Variants in LIN7A observed in about 807,000 individuals in gnomAD.
The protein encoded by LIN7A is protein lin-7 homolog A.
LIN7A carries 25 observed loss-of-function variants against 29.8 expected under a neutral mutation model. The observed-to-expected ratio is 0.84, with a 90% CI of 0.61 to 1.17. LIN7A has a LOEUF of 1.17. LIN7A is among the 50% of genes most tolerant of loss of function. LIN7A has a pLI of 0.00. For missense variants in LIN7A, 239 were observed against 287.0 expected (o/e 0.83, Z 1.21); for synonymous variants, 118 against 107.5 (o/e 1.10, Z -0.60).
intron 2 of LIN7A, among the ~76,000 whole-genome samples, chr12:80,859,979 A>G (rs1186884547): frequency 6.6e-6 from 1 of 152,194 alleles, no homozygotes; most frequent in East Asian, 1.9e-4. Context: ...ATTAATGCTT[A>G]TTCTACTTAA....
chr12:80,930,976 C>T (rs893811304), intron 1 of LIN7A, among the ~76,000 whole-genome samples: 5 of 152,138 alleles, frequency 3.3e-5, no homozygotes, highest in African/African-American at 7.2e-5. Flanking sequence ...ATAAACAAAC[C>T]CGACATGGTC....
chr12:80,841,011 C>A (rs1254758828), intron 4 of LIN7A, among the ~76,000 whole-genome samples: 3 of 152,206 alleles, frequency 2.0e-5, no homozygotes, highest in Non-Finnish European at 4.4e-5. Context: ...CTTTTACACA[C>A]TGGTCTTGGT....
chr12:80,924,819 G>C (rs1459781016), intron 1 of LIN7A, among the ~76,000 whole-genome samples: 2 of 152,144 alleles, frequency 1.3e-5, no homozygotes, highest in East Asian at 3.9e-4. Context: ...TAAGACAGCT[G>C]AACATCTACA....
chr12:80,893,533 ACCACAGGC>A (rs1875734969), intron 1 of LIN7A, among the ~76,000 whole-genome samples: 1 of 152,158 alleles, frequency 6.6e-6, no homozygotes. Context: ...TTTCTATTAC[ACCACAGGC>A]CTTTCCCAGT....
At chr12:80,882,319 C>T (rs1875096294) in intron 2 of LIN7A, among the ~76,000 whole-genome samples, 1 of 56,090 alleles carries the variant, frequency 1.8e-5, no homozygotes, top group Admixed American at 1.7e-4. Flanking sequence ...GAGTCTCGCT[C>T]TGTCGCCCAG....
intron 1 of LIN7A, among the ~76,000 whole-genome samples, chr12:80,894,806 T>C (rs1158584742): frequency 1.3e-5 from 2 of 152,212 alleles, no homozygotes; most frequent in African/African-American, 2.4e-5. Context: ...CTTACTTGTC[T>C]TACTTAGATC....
intron 1 of LIN7A, among the ~76,000 whole-genome samples, chr12:80,897,943 G>C (rs1875997389): frequency 6.6e-6 from 1 of 152,170 alleles, no homozygotes; most frequent in Non-Finnish European, 1.5e-5. Flanking sequence ...TGTGTTGATA[G>C]TTTCTTTTGC....
intron 4 of LIN7A, among the ~76,000 whole-genome samples, chr12:80,814,518 T>C (rs1044897931): frequency 6.6e-6 from 1 of 152,212 alleles, no homozygotes; most frequent in Non-Finnish European, 1.5e-5. Flanking sequence ...TTGGAGATTC[T>C]AGGCCAGACC....
At chr12:80,910,004 G>T (rs1876676122) in intron 1 of LIN7A, among the ~76,000 whole-genome samples, 1 of 152,054 alleles carries the variant, frequency 6.6e-6, no homozygotes, top group Non-Finnish European at 1.5e-5. Context: ...ACAATATTCA[G>T]TTTTCCAATC....
chr12:80,889,808 G>A (rs1520807), intron 1 of LIN7A, among the ~76,000 whole-genome samples: 13,195 of 152,062 alleles, frequency 0.087, 757 homozygotes, highest in Middle Eastern at 0.2. Context: ...GTGTATCTCC[G>A]CAGTTTGCCT....
chr12:80,806,589 A>G (rs1370485952), intron 5 of LIN7A, among the ~76,000 whole-genome samples: 2 of 152,210 alleles, frequency 1.3e-5, no homozygotes, highest in Non-Finnish European at 2.9e-5. Context: ...ATAAACAATA[A>G]GATAATATCA....
intron 2 of LIN7A, among the ~76,000 whole-genome samples, chr12:80,875,118 A>T (rs1874620112): frequency 6.6e-6 from 1 of 152,246 alleles, no homozygotes; most frequent in African/African-American, 2.4e-5. Flanking sequence ...GACCTGGGAT[A>T]CTTTGGTTCT....
intron 2 of LIN7A, among the ~76,000 whole-genome samples, chr12:80,851,350 C>T (rs1592894624): frequency 1.3e-5 from 2 of 149,624 alleles, no homozygotes; most frequent in South Asian, 4.2e-4. Context: ...AATATAATTG[C>T]TAGTCTTTTT....
intron 5 of LIN7A, among the ~76,000 whole-genome samples, chr12:80,804,886 C>A (rs893705791): frequency 1.3e-5 from 2 of 151,988 alleles, no homozygotes; most frequent in African/African-American, 4.8e-5. Flanking sequence ...CTGAATAGTA[C>A]TCCATTGTGT....
At chr12:80,838,171 T>C (rs1469620570) in intron 4 of LIN7A, among the ~76,000 whole-genome samples, 1 of 152,206 alleles carries the variant, frequency 6.6e-6, no homozygotes, top group Non-Finnish European at 1.5e-5. Context: ...ATTTAGAGAC[T>C]TGCCGTTTAG....
At chr12:80,808,390 C>G (rs1358658559) in intron 5 of LIN7A, among the ~76,000 whole-genome samples, 2 of 152,158 alleles carry the variant, frequency 1.3e-5, no homozygotes, top group African/African-American at 4.8e-5. Context: ...AGAATGTAGG[C>G]ATGAGGGCAA....
intron 1 of LIN7A, among the ~76,000 whole-genome samples, chr12:80,927,665 G>A (rs1877677593): frequency 1.3e-5 from 2 of 152,122 alleles, no homozygotes; most frequent in African/African-American, 2.4e-5. Flanking sequence ...ACTACCAATG[G>A]TGTCTCAGTT....
intron 4 of LIN7A, among the ~76,000 whole-genome samples, chr12:80,845,320 C>T (rs977990321): frequency 6.6e-6 from 1 of 151,776 alleles, no homozygotes; most frequent in Non-Finnish European, 1.5e-5. Flanking sequence ...ATTACCCTTC[C>T]TCTGTAATTA....
intron 1 of LIN7A, among the ~76,000 whole-genome samples, chr12:80,914,041 A>C (rs1266301870): frequency 6.6e-6 from 1 of 152,150 alleles, no homozygotes; most frequent in Non-Finnish European, 1.5e-5. Context: ...ATGGACCAAC[A>C]TGTTTCCTCT....
Sources: gnomAD v4.1 joint callset for allele counts (sites outside exome capture counted in the v4.1 genomes callset) on GRCh38, gnomAD v4.1.1 for gene constraint, MANE v1.5 for transcripts, NCBI Gene and HGNC (gene_info 2026-07-23, HGNC 2026-07-21) for gene names.